The following MED23 variants were observed in gnomAD, a reference collection of about 807,000 sequenced individuals.
The protein encoded by MED23 is mediator of RNA polymerase II transcription subunit 23.
In MED23, 105 loss-of-function variants were observed where a neutral mutation model predicts 163.9. The observed-to-expected ratio is 0.64, with a 90% CI of 0.55 to 0.75. The LOEUF (loss-of-function observed/expected upper bound fraction) is 0.75, where lower values mean the gene tolerates loss of function less well. Among genes scored for constraint, MED23 ranks in the 30% least tolerant of loss-of-function variants. The pLI is 0.00. For synonymous variants in MED23, 561 were observed against 565.6 expected, an observed-to-expected ratio of 0.99 and a Z score of 0.12; for missense variants, 1,054 against 1,649.0, an observed-to-expected ratio of 0.64 and a Z score of 6.25.
At chr6:131,625,756 TGA>T (rs1184367708) in intron 3 of MED23, among the ~76,000 whole-genome samples, 2 of 152,152 alleles carry the variant, frequency 1.3e-5, no homozygotes, top group African/African-American at 4.8e-5. Context: ...AAAATTATAC[TGA>T]GATAAAATTT....
At chr6:131,610,719 A>G (rs756826622) in intron 10 of MED23, among the ~76,000 whole-genome samples, 2 of 152,202 alleles carry the variant, frequency 1.3e-5, no homozygotes, top group East Asian at 1.9e-4. Context: ...AGTAACCCCT[A>G]TAAGTTTACA....
At chr6:131,586,135 C>G (rs1406749242), downstream of MED23, among the ~76,000 whole-genome samples, 2 of 152,216 alleles carry the variant, frequency 1.3e-5, no homozygotes, top group Non-Finnish European at 2.9e-5. Context: ...GTGGCTCACG[C>G]CTGTAATCCC....
intron 3 of MED23, among the ~76,000 whole-genome samples, chr6:131,625,526 C>G (rs1777422044): frequency 6.6e-6 from 1 of 152,142 alleles, no homozygotes; most frequent in Non-Finnish European, 1.5e-5. Context: ...AGTTTGTCTT[C>G]TAGGATTATC....
intron 30 of MED23, among the ~76,000 whole-genome samples, chr6:131,580,411 A>G (rs1308543523): frequency 1.3e-5 from 2 of 152,216 alleles, no homozygotes; most frequent in Non-Finnish European, 2.9e-5. Flanking sequence ...CGAGAATCTA[A>G]AAGCTCATGA....
chr6:131,605,511 G>GA, intron 13 of MED23, 26 bp from the exon 14 acceptor site: 2 of 1,529,096 alleles, frequency 1.3e-6, no homozygotes, highest in Non-Finnish European at 1.8e-6. Context: ...CCATTAAAAA[G>GA]AAAAAATGAA....
intron 25 of MED23, among the ~76,000 whole-genome samples, chr6:131,592,162 C>T (rs574738673): frequency 1.3e-5 from 2 of 152,024 alleles, no homozygotes; most frequent in South Asian, 2.1e-4. Flanking sequence ...TGCAGAGACC[C>T]GTAAGTCACA....
rs556411216 is a variant in MED23 at position 131,605,858 on chromosome 6, G to A, written c.1368-373C>T. On this transcript the variant is annotated intron_variant, in intron 13 of 28. Coordinates refer to ENST00000368068, the MANE Select transcript of MED23 (RefSeq NM_004830.4). ...ATTACAGATACCACTATGAAAAGGT[G>A]GTTAAGGGCTGTCTCATAAAATGAA... Among the ~76,000 whole-genome samples, 15 of 152,232 alleles carry A rather than the reference G, an allele frequency of 9.9e-5. No homozygotes were observed. In the South Asian group the frequency reaches 3.1e-3, roughly 32 times the overall value.
At position 131,605,403 on chromosome 6, in the gene MED23, T is replaced by G; in HGVS notation, c.1450A>C (p.Asn484His). ...ATGGGTAATGTAAAACATTCTGAAT[T>G]TGTAGAGTATGCATTACACAATAGA... ...IALLCNAYST[N>H]SECFTLPMGA... The change falls in exon 14 of 29, where the codon AAT becomes CAT. Residue 484 changes from asparagine to histidine, a missense_variant. By Grantham distance (68) the Asn-to-His change is moderately conservative (BLOSUM62 1). This residue lies in a region of MED23 where 39 missense variants were observed against 50.5 expected (regional missense o/e 0.77). Coordinates refer to ENST00000368068, the MANE Select transcript of MED23 (RefSeq NM_004830.4). The G allele has an allele frequency of 6.2e-7, 1 of 1,612,902 alleles. No homozygotes were observed. Among genetic ancestry groups the G allele is most frequent in the Middle Eastern group, 1.7e-4 (1 of 6,054 alleles).
Position 131,598,699 on chromosome 6 carries a change from C to T in MED23, c.2283G>A (p.Glu761=). The stretch of plus-strand genomic sequence containing the variant: ...TTGACTTCCACTTCCTATACTCCTC[C>T]TCCACATTTTTTTTCAGATTAAAAC... ...ESRFNLKKNV[E]EEYRKWKSMS... is the part of the protein sequence containing the mutation. The change falls in exon 19 of 29, where the codon GAG becomes GAA. Residue 761 remains glutamate, a synonymous_variant. Transcript: ENST00000368068. This position sits in a 1 kb window ranked among gnomAD's most constrained non-coding sequence, Gnocchi z 4.7. 2.1e-5 allele frequency: 34 copies of T among 1,614,106 alleles called. No homozygotes were observed. The highest frequency in any genetic ancestry group is 6.7e-5 in the East Asian group (3 of 44,868).
chr6:131,581,405 C>A lies in MED23; in HGVS notation c.4095+6304G>T, dbSNP rs374033743. Reference sequence around the variant, plus strand: ...TAAAAGACTGGTTGGTACTCTAGTGCAATAGAATACTTTTTAGTAGACATT... The same window carrying A: ...TAAAAGACTGGTTGGTACTCTAGTGAAATAGAATACTTTTTAGTAGACATT... On this transcript the variant is annotated intron_variant, in intron 30 of 30. Coordinates refer to the MED23 transcript ENST00000354577. 2.5e-6 allele frequency: 4 copies of A among 1,600,002 alleles called. No homozygotes were observed. The African/African-American group carries it at 5.4e-5, about 21-fold the overall frequency.
intron 3 of MED23, among the ~76,000 whole-genome samples, chr6:131,626,217 T>C (rs1046982147): frequency 1.3e-5 from 2 of 151,944 alleles, no homozygotes; most frequent in African/African-American, 2.4e-5. Flanking sequence ...TTTAATAATT[T>C]CTATAAAAAT....
In MED23 at chr6:131,598,579, ATC is replaced by A. The variant is rs772919141; in HGVS notation, c.2401_2402del (p.Asp801SerfsTer3). The stretch of plus-strand genomic sequence containing the variant: ...ACCTATAGCCAATCTGATTAATATG[ATC>A]TGTTTCCAAGAGCATTTTCCAGAGA... ...CLLWKMLLET[D>X]HINQIGYRVL... On this transcript the variant is annotated frameshift_variant, in exon 19 of 29. Transcript: ENST00000368068. LOFTEE classifies it high-confidence loss of function. The surrounding 1 kb of genome is among the most constrained non-coding windows in gnomAD (Gnocchi z 4.7). 1.2e-6 allele frequency: 2 copies of A among 1,614,144 alleles called. No homozygotes were observed. The highest frequency in any genetic ancestry group is 1.7e-6 in the Non-Finnish European group (2 of 1,180,006).
At chr6:131,579,022 A>G in intron 30 of MED23, 2 of 1,427,414 alleles carry the variant, frequency 1.4e-6, no homozygotes, top group East Asian at 2.4e-5. Context: ...TTGTGAATAT[A>G]TGCCTATTTT....
chr6:131,628,129 G>GTCTCCGCCCCTCT lies in MED23; in HGVS notation c.-81_-80insAGAGGGGCGGAGA. On this transcript the variant is annotated 5_prime_UTR_variant, in exon 1 of 29. Coordinates refer to ENST00000368068, the MANE Select transcript of MED23 (RefSeq NM_004830.4). ...GAGCTCTGGGAATATAGGGGCAGAG[G>GTCTCCGCCCCTCT]GGCGGAGACCTCTGGAGGAAACCGT... is the stretch of plus-strand genomic sequence containing the variant. 1 of 1,526,264 alleles carries GTCTCCGCCCCTCT rather than the reference G, an allele frequency of 6.6e-7. No individual in the cohort carries two copies. Among genetic ancestry groups the GTCTCCGCCCCTCT allele is most frequent in the Non-Finnish European group, 9.1e-7 (1 of 1,103,882 alleles). The allele number at this position is 1,526,264 out of a possible 1,614,324, so 94.5% of individuals were successfully genotyped here.
intron 1 of MED23, 41 bp downstream of exon 1, chr6:131,627,970 T>G: frequency 6.2e-7 from 1 of 1,613,270 alleles, no homozygotes. Context: ...CGTCTCCCCG[T>G]CCCCAAGCCG....
intron 30 of MED23, chr6:131,574,381 A>C: frequency 2.7e-6 from 4 of 1,488,860 alleles, no homozygotes; most frequent in Non-Finnish European, 3.8e-6. Context: ...TTCCCCTGGA[A>C]ATCCTCCAAA....
chr6:131,609,028 G>A (rs1019298762), intron 11 of MED23, among the ~76,000 whole-genome samples: 1 of 152,002 alleles, frequency 6.6e-6, no homozygotes, highest in African/African-American at 2.4e-5. Context: ...CCTATTCCAC[G>A]TCAGTGTACC....
intron 30 of MED23, chr6:131,581,321 A>C (rs773968554): frequency 6.2e-7 from 1 of 1,613,924 alleles, no homozygotes; most frequent in Non-Finnish European, 8.5e-7. Context: ...TGACAACCAC[A>C]AGTGGAAACT....
chr6:131,591,976 A>C (rs1016844946), intron 25 of MED23: 20 of 224,716 alleles, frequency 8.9e-5, no homozygotes, highest in South Asian at 6.0e-4. Context: ...TGGAAAGAAG[A>C]AGCTTCTGGA....
Sources: gnomAD v4.1 joint callset for allele counts (sites outside exome capture counted in the v4.1 genomes callset) on GRCh38, gnomAD v4.1.1 for gene constraint, gnomAD v4.1.1 regional missense constraint, Gnocchi (gnomAD v3.1) non-coding constraint, MANE v1.5 for transcripts, NCBI Gene and HGNC (gene_info 2026-07-23, HGNC 2026-07-21) for gene names.